Variants in TMEM67 observed in about 807,000 individuals in gnomAD.
TMEM67 encodes the protein transmembrane protein 67.
Under a neutral mutation model 136.6 loss-of-function variants are expected in TMEM67, and 124 were observed. The observed-to-expected ratio is 0.91, with a 90% CI of 0.78 to 1.05. TMEM67 has a LOEUF of 1.05. TMEM67 is among the 50% of genes least tolerant of loss of function. The probability of loss-of-function intolerance (pLI) is 0.00; values close to 1 mark genes in which losing one functional copy is unlikely to be tolerated. For synonymous variants in TMEM67, 364 were observed against 390.5 expected (o/e 0.93, Z 0.80); for missense variants, 1,107 against 1,178.4 (o/e 0.94, Z 0.89).
At position 93,815,786 on chromosome 8, in the gene TMEM67, C is replaced by T. The variant is rs574626683; in HGVS notation, c.2907+339C>T. Among the ~76,000 whole-genome samples, 12 of 152,126 alleles carry T rather than the reference C, an allele frequency of 7.9e-5. 1 individual carries two copies. The South Asian group carries it at 1.5e-3, about 18-fold the overall frequency. The stretch of plus-strand genomic sequence containing the variant: ...TCCACCCTCTCCAGACGTTAAGTAA[C>T]AAAAAAACAAGCACTGGAGAGCTAG... On this transcript the variant is annotated intron_variant, in intron 27 of 27. Transcript: ENST00000453321.
intron 26 of TMEM67, among the ~76,000 whole-genome samples, chr8:93,814,254 C>T (rs972884714): frequency 6.8e-6 from 1 of 147,974 alleles, no homozygotes; most frequent in Non-Finnish European, 1.5e-5. Context: ...ATTCTCCTGC[C>T]TCAGCCTCCT....
chr8:93,827,918 A>G, the TMEM67 span, among the ~76,000 whole-genome samples: 1 of 152,090 alleles, frequency 6.6e-6, no homozygotes, highest in African/African-American at 2.4e-5. Flanking sequence ...TTCCTCATAA[A>G]AAGGAATAAA....
At position 93,781,559 on chromosome 8, in the gene TMEM67, T is replaced by C. The variant is rs1813828469; in HGVS notation, c.979-99T>C. The C allele has an allele frequency of 7.2e-6, 4 of 553,474 alleles. No individual in the cohort carries two copies. The South Asian group carries it at 9.8e-5, about 14-fold the overall frequency. The allele number at this position is 553,474 out of a possible 1,614,324, so 34.3% of individuals were successfully genotyped here. On this transcript the variant is annotated intron_variant, in intron 9 of 27. Transcript: ENST00000453321. ...AAAATAAAGATAATTGAATGTAATTTTTCAACAAAAAAGATCAGTCAACAA... is the reference window on the plus strand; with the variant it reads ...AAAATAAAGATAATTGAATGTAATTCTTCAACAAAAAAGATCAGTCAACAA...
intron 12 of TMEM67, among the ~76,000 whole-genome samples, 176 bp from the exon 13 acceptor site, chr8:93,786,047 C>T (rs941965951): frequency 1.3e-5 from 2 of 152,060 alleles, no homozygotes; most frequent in Non-Finnish European, 2.9e-5. Context: ...GCACTATAGC[C>T]TGGTCAACAG....
At chr8:93,782,516 C>A in intron 11 of TMEM67, 56 bp downstream of exon 11, 1 of 1,331,854 alleles carries the variant, frequency 7.5e-7, no homozygotes, top group Non-Finnish European at 1.1e-6. Flanking sequence ...AATATCATGT[C>A]AGCAGTAATT....
chr8:93,782,335 T>A lies in TMEM67; in HGVS notation c.1066-60T>A. 3 of 1,349,560 alleles carry A rather than the reference T, an allele frequency of 2.2e-6. No homozygotes were observed. The East Asian group carries it at 6.9e-5, about 31-fold the overall frequency. The allele number at this position is 1,349,560 out of a possible 1,614,324, so 83.6% of individuals were successfully genotyped here. ...TATATCCATGTTCGGGTTTGAGAACTCTTGAGTATAAGAATAGAAAACATT... is the reference window on the plus strand; with the variant it reads ...TATATCCATGTTCGGGTTTGAGAACACTTGAGTATAAGAATAGAAAACATT... On this transcript the variant is annotated intron_variant, in intron 10 of 27. Coordinates refer to ENST00000453321, the MANE Select transcript of TMEM67 (RefSeq NM_153704.6).
chr8:93,792,691 A>T (rs79885680), intron 15 of TMEM67, among the ~76,000 whole-genome samples: 2,459 of 150,734 alleles, frequency 0.016, 69 homozygotes, highest in African/African-American at 0.055. Context: ...AGTAATTATA[A>T]TATATTATTA....
intron 26 of TMEM67, among the ~76,000 whole-genome samples, chr8:93,814,300 T>C (rs564837881): frequency 0.023 from 3,440 of 151,490 alleles, 117 homozygotes; most frequent in African/African-American, 0.078. Context: ...CCACCATGCG[T>C]GGCTAATTTT....
chr8:93,796,753 G>A (rs1008503027), intron 18 of TMEM67, among the ~76,000 whole-genome samples: 1 of 152,194 alleles, frequency 6.6e-6, no homozygotes, highest in Non-Finnish European at 1.5e-5. Flanking sequence ...AACTATAGTT[G>A]AAAATATCTT....
At chr8:93,826,986 C>G in the TMEM67 span, among the ~76,000 whole-genome samples, 1 of 152,014 alleles carries the variant, frequency 6.6e-6, no homozygotes, top group African/African-American at 2.4e-5. Flanking sequence ...CGTGCCACCA[C>G]GCCCAGCTAA....
At chr8:93,777,178 C>T (rs1165027434) in intron 7 of TMEM67, among the ~76,000 whole-genome samples, 1 of 152,180 alleles carries the variant, frequency 6.6e-6, no homozygotes, top group Non-Finnish European at 1.5e-5. Flanking sequence ...GTTTGTATTT[C>T]TGTGGGATCG....
At chr8:93,786,159 A>T in intron 12 of TMEM67, 64 bp from the exon 13 acceptor site, 2 of 1,539,526 alleles carry the variant, frequency 1.3e-6, no homozygotes, top group Non-Finnish European at 1.8e-6. Context: ...CAGCCATCTT[A>T]TCTAAAACAA....
chr8:93,813,198 A>C (rs1808767570), intron 26 of TMEM67, among the ~76,000 whole-genome samples: 1 of 148,134 alleles, frequency 6.8e-6, no homozygotes, highest in Admixed American at 6.7e-5. Flanking sequence ...TTTTTTTTGG[A>C]GATGGAGTCT....
intron 14 of TMEM67, 82 bp downstream of exon 14, chr8:93,788,031 G>T: frequency 1.3e-5 from 13 of 991,068 alleles, no homozygotes; most frequent in Non-Finnish European, 1.9e-5. Context: ...TCAAAAGACA[G>T]TCTTTTTTTT....
chr8:93,800,236 G>A (rs1382415899), intron 21 of TMEM67, among the ~76,000 whole-genome samples: 1 of 152,122 alleles, frequency 6.6e-6, no homozygotes, highest in South Asian at 2.1e-4. Context: ...TATTGTATTA[G>A]TCACTGTGCT....
chr8:93,774,358 A>G (rs1586030069), intron 7 of TMEM67, among the ~76,000 whole-genome samples: 1 of 152,144 alleles, frequency 6.6e-6, no homozygotes, highest in African/African-American at 2.4e-5. Flanking sequence ...TTCTCTTTTT[A>G]TTTATTTCTT....
chr8:93,800,230 G>T (rs1814812815), intron 21 of TMEM67, among the ~76,000 whole-genome samples: 1 of 152,090 alleles, frequency 6.6e-6, no homozygotes, highest in Non-Finnish European at 1.5e-5. Context: ...TTCTTATATT[G>T]TATTAGTCAC....
chr8:93,823,108 A>G (rs1192875785), downstream of TMEM67, among the ~76,000 whole-genome samples: 1 of 152,210 alleles, frequency 6.6e-6, no homozygotes, highest in Non-Finnish European at 1.5e-5. Flanking sequence ...GTAACAAATT[A>G]CCAAAATTGA....
chr8:93,817,909 C>G lies in TMEM67; in HGVS notation c.*1457C>G, dbSNP rs1335456913. The G allele has an allele frequency of 5.3e-5, 8 of 152,174 alleles. No homozygotes were observed. Among genetic ancestry groups the G allele is most frequent in the Non-Finnish European group, 8.8e-5 (6 of 68,030 alleles). The allele number at this position is 152,174 out of a possible 1,614,324, so 9.4% of individuals were successfully genotyped here. On this transcript the variant is annotated 3_prime_UTR_variant, in exon 28 of 28. Coordinates refer to ENST00000453321, the MANE Select transcript of TMEM67 (RefSeq NM_153704.6). ...TATATGGCATGGATATTTAAAACCA[C>G]TCACTCAGAAGCATATGAAAGAAAT...
Sources: allele counts gnomAD v4.1 joint callset (sites outside exome capture counted in the v4.1 genomes callset), GRCh38; gene constraint gnomAD v4.1.1; transcripts MANE v1.5; gene names NCBI Gene and HGNC (gene_info 2026-07-23, HGNC 2026-07-21).